The following C8orf34 variants were observed in gnomAD, a reference collection of about 807,000 sequenced individuals.
C8orf34 encodes the protein uncharacterized protein C8orf34.
Under a neutral mutation model 68.3 loss-of-function variants are expected in C8orf34, and 65 were observed. That is an observed-to-expected ratio of 0.95 (90% CI 0.78 to 1.17). The LOEUF (loss-of-function observed/expected upper bound fraction) is 1.17. Among genes scored for constraint, C8orf34 ranks in the 50% most tolerant of loss-of-function variants. The pLI is 0.00. For synonymous variants in C8orf34, 244 were observed against 241.2 expected, an observed-to-expected ratio of 1.01 and a Z score of -0.11; for missense variants, 664 against 655.4, an observed-to-expected ratio of 1.01 and a Z score of -0.14.
chr8:68,522,137 G>A (rs567805624), intron 6 of C8orf34, among the ~76,000 whole-genome samples, 166 bp downstream of exon 6: 1 of 152,302 alleles, frequency 6.6e-6, no homozygotes, highest in African/African-American at 2.4e-5. Context: ...CTCTTAAAAT[G>A]AGAGTTTCAG....
intron 3 of C8orf34, among the ~76,000 whole-genome samples, chr8:68,451,010 C>A (rs1811321364): frequency 6.6e-6 from 1 of 152,096 alleles, no homozygotes; most frequent in African/African-American, 2.4e-5. Context: ...AGTGTAGCCA[C>A]CTTCATCAAC....
intron 7 of C8orf34, among the ~76,000 whole-genome samples, chr8:68,596,503 G>A (rs540165562): frequency 1.6e-4 from 24 of 152,068 alleles, no homozygotes; most frequent in Non-Finnish European, 2.9e-4. Context: ...GTGTGTTCTC[G>A]CAGAACACAT....
At chr8:68,436,774 C>G (rs749234881) in intron 1 of C8orf34, among the ~76,000 whole-genome samples, 6 of 152,184 alleles carry the variant, frequency 3.9e-5, no homozygotes, top group Admixed American at 1.3e-4. Context: ...AATTAACATA[C>G]TAGCTGTGCA....
chr8:68,793,546 C>T (rs1191076720), intron 12 of C8orf34, among the ~76,000 whole-genome samples: 1 of 147,478 alleles, frequency 6.8e-6, no homozygotes. Flanking sequence ...CCATTATCCT[C>T]AGCAAACCAA....
chr8:68,451,227 T>C (rs2129627487), intron 3 of C8orf34, among the ~76,000 whole-genome samples: 1 of 152,250 alleles, frequency 6.6e-6, no homozygotes, highest in African/African-American at 2.4e-5. Flanking sequence ...CTTGGCTTAA[T>C]GGAATGTTGT....
chr8:68,698,713 T>G (rs1182298143), intron 8 of C8orf34, among the ~76,000 whole-genome samples: 1 of 152,148 alleles, frequency 6.6e-6, no homozygotes, highest in Non-Finnish European at 1.5e-5. Flanking sequence ...TCCTTACAGC[T>G]GCTGAACTTG....
chr8:68,534,780 G>T, intron 7 of C8orf34: 1 of 985,378 alleles, frequency 1.0e-6, no homozygotes, highest in Non-Finnish European at 1.2e-6. Flanking sequence ...TTCAGGAGAT[G>T]CAGTTGTCCA....
rs565922054 is a variant in C8orf34, at chr8:68,807,423, T to C, written c.1550-8463T>C. On this transcript the variant is annotated intron_variant, in intron 12 of 13. Transcript: ENST00000518698. ...AATGTAGTGTGTTTCCCTCTTTAAA[T>C]GCTATCAAATCTGCTGTTTAATATA... Among the ~76,000 whole-genome samples the C allele has an allele frequency of 1.4e-3, 220 of 152,364 alleles. 1 individual carries two copies. The highest frequency in any genetic ancestry group is 6.8e-3 in the Middle Eastern group (2 of 294).
intron 1 of C8orf34, among the ~76,000 whole-genome samples, chr8:68,395,421 A>G (rs1808663250): frequency 1.3e-5 from 2 of 151,742 alleles, no homozygotes; most frequent in Admixed American, 1.3e-4. Context: ...TCTGGCTGTC[A>G]TTAGTCCAAG....
At chr8:68,790,268 A>C (rs1823957097) in intron 12 of C8orf34, among the ~76,000 whole-genome samples, 3 of 152,240 alleles carry the variant, frequency 2.0e-5, no homozygotes, top group African/African-American at 7.2e-5. Context: ...AATAAATGAC[A>C]TAAATCTTTG....
intron 10 of C8orf34, among the ~76,000 whole-genome samples, chr8:68,756,061 T>C (rs963822230): frequency 3.0e-5 from 4 of 131,396 alleles, no homozygotes; most frequent in African/African-American, 1.3e-4. Flanking sequence ...AGTGAGACTC[T>C]ATCTAAAAAA....
chr8:68,568,733 T>C (rs1213555088), intron 7 of C8orf34, among the ~76,000 whole-genome samples: 3 of 152,202 alleles, frequency 2.0e-5, no homozygotes, highest in African/African-American at 4.8e-5. Context: ...ATTCTAATGA[T>C]ATAAGGCTTC....
At chr8:68,584,371 AT>A (rs142505314) in intron 7 of C8orf34, among the ~76,000 whole-genome samples, 3,979 of 152,272 alleles carry the variant, frequency 0.026, 178 homozygotes, top group African/African-American at 0.089. Flanking sequence ...ACAGTATTCC[AT>A]TCCATATGGA....
At chr8:68,543,885 G>GA (rs1417748588) in intron 7 of C8orf34, among the ~76,000 whole-genome samples, 1 of 152,124 alleles carries the variant, frequency 6.6e-6, no homozygotes, top group Non-Finnish European at 1.5e-5. Flanking sequence ...TTTAGACTCT[G>GA]AACAAAAGGC....
rs540089336 is a variant in C8orf34 at position 68,739,121 on chromosome 8, C to T, written c.1404+17684C>T. Among the ~76,000 whole-genome samples, 58 of 152,126 alleles carry T rather than the reference C, an allele frequency of 3.8e-4. 1 individual carries two copies. In the East Asian group the frequency reaches 5.0e-3, roughly 13 times the overall value. On this transcript the variant is annotated intron_variant, in intron 10 of 13. Transcript: ENST00000518698. ...AATCAAGTGGGCTTTATCCCTGGGA[C>T]GCATGGTTGGTTCAACATATGCAAA...
chr8:68,490,301 G>T lies in C8orf34; in HGVS notation c.765+2250G>T, dbSNP rs1397754458. Among the ~76,000 whole-genome samples the T allele has an allele frequency of 2.6e-5, 4 of 152,098 alleles. No homozygotes were observed. The South Asian group carries it at 6.2e-4, about 24-fold the overall frequency. On this transcript the variant is annotated intron_variant, in intron 5 of 13. Transcript: ENST00000518698. ...AATTAGCTCGTATGCGGTTGTTACTGTGCTTGGCTCTTGTCCTTCTCTTTT... is the reference window on the plus strand; with the variant it reads ...AATTAGCTCGTATGCGGTTGTTACTTTGCTTGGCTCTTGTCCTTCTCTTTT...
intron 10 of C8orf34, among the ~76,000 whole-genome samples, chr8:68,744,149 T>G (rs950042293): frequency 6.6e-6 from 1 of 152,114 alleles, no homozygotes; most frequent in South Asian, 2.1e-4. Context: ...GGCTGGGTAC[T>G]CCAACAGACC....
chr8:68,731,330 TTTG>T (rs1255721806), intron 10 of C8orf34, among the ~76,000 whole-genome samples: 3 of 152,190 alleles, frequency 2.0e-5, no homozygotes, highest in Admixed American at 2.0e-4. Flanking sequence ...AGTGACCATA[TTTG>T]TGTTCTGAAT....
Position 68,671,162 on chromosome 8 carries a change from T to C in C8orf34, c.1241+30651T>C, listed in dbSNP as rs561350909. Among the ~76,000 whole-genome samples the C allele has an allele frequency of 2.0e-4, 31 of 152,352 alleles. No homozygotes were observed. In the East Asian group the frequency reaches 5.6e-3, roughly 27 times the overall value. Reference sequence around the variant, plus strand: ...TAATGAGTTAAGGCGGAAAATATGATAGCTGTTAAGTTTCAGGGACTAATC... The same window carrying C: ...TAATGAGTTAAGGCGGAAAATATGACAGCTGTTAAGTTTCAGGGACTAATC... On this transcript the variant is annotated intron_variant, in intron 8 of 13. Transcript: ENST00000518698.
Sources: allele counts gnomAD v4.1 joint callset (sites outside exome capture counted in the v4.1 genomes callset), GRCh38; gene constraint gnomAD v4.1.1; transcripts MANE v1.5; gene names NCBI Gene and HGNC (gene_info 2026-07-23, HGNC 2026-07-21).